The following MUC12 variants were observed in gnomAD, a reference collection of about 807,000 sequenced individuals.
MUC12 encodes mucin 12, cell surface associated.
In MUC12, 172 loss-of-function variants were observed where a neutral mutation model predicts 230.8. The ratio of observed to expected loss-of-function variants is 0.75; its 90% CI spans 0.66 to 0.85. MUC12 has a LOEUF of 0.85. Among genes scored for constraint, MUC12 ranks in the 40% least tolerant of loss-of-function variants. The pLI is 0.00. For missense variants in MUC12, 3,506 were observed against 5,920.6 expected (o/e 0.59, Z 13.38); for synonymous variants, 1,259 against 2,401.9 (o/e 0.52, Z 13.91).
At chr7:101,014,256 G>C (rs1182246721) in intron 9 of MUC12, 182 bp downstream of exon 9, 1 of 558,830 alleles carries the variant, frequency 1.8e-6, no homozygotes, top group Admixed American at 3.7e-5. Context: ...CTTCCTGTAG[G>C]ATACATCAAT....
chr7:100,973,567 A>G (rs1409470240), intron 1 of MUC12, among the ~76,000 whole-genome samples: 2 of 151,946 alleles, frequency 1.3e-5, no homozygotes, highest in Non-Finnish European at 2.9e-5. Context: ...ATTTTAAGAG[A>G]TGGGGGTCTT....
rs1348104472 is a variant in MUC12, at chr7:101,005,180, A to T, written c.14617A>T (p.Ile4873Phe). Reference protein sequence around the residue: ...TAFSHSNTMSIHSQQSTPFPD... With the variant: ...TAFSHSNTMSFHSQQSTPFPD... ...GTTTTCTCACAGCAACACAATGTCCATTCATAGTCAACAATCTACACCCTT... is the reference window on the plus strand; with the variant it reads ...GTTTTCTCACAGCAACACAATGTCCTTTCATAGTCAACAATCTACACCCTT... Residue 4873 changes from isoleucine (I) to phenylalanine (F), a missense_variant, in exon 2 of 12, where the codon ATT becomes TTT. Coordinates refer to ENST00000536621, the MANE Select transcript of MUC12 (RefSeq NM_001164462.2). The T allele has an allele frequency of 6.5e-7, 1 of 1,537,464 alleles. No homozygotes were observed. Among genetic ancestry groups the T allele is most frequent in the Non-Finnish European group, 8.7e-7 (1 of 1,146,992 alleles).
chr7:100,994,037 C>T lies in MUC12; in HGVS notation c.3474C>T (p.Thr1158=), dbSNP rs1368582316. Residue 1158 remains threonine, a synonymous_variant, in exon 2 of 12, where the codon ACC becomes ACT. Transcript: ENST00000536621. ...CGCCAGGCCTCAGTGAGGAATCTAC[C>T]ACCGTCTACAGCAGCAGCCGAGGCT... is the stretch of plus-strand genomic sequence containing the variant. ...TTTPGLSEES[T]TVYSSSRGST... The T allele has an allele frequency of 2.8e-6, 3 of 1,054,164 alleles. No homozygotes were observed. The highest frequency in any genetic ancestry group is 4.8e-5 in the Admixed American group (2 of 41,390). The allele number at this position is 1,054,164 out of a possible 1,614,324, so 65.3% of individuals were successfully genotyped here.
intron 11 of MUC12, 91 bp from the exon 12 acceptor site, chr7:101,018,504 C>T: frequency 8.3e-7 from 1 of 1,208,726 alleles, no homozygotes; most frequent in East Asian, 3.3e-5. Context: ...CCTGGGGTTC[C>T]CTCCTCCCCG....
rs1793273992 is a variant in MUC12 at position 100,990,838 on chromosome 7, G to C, written c.275G>C (p.Gly92Ala). 13 of 1,537,404 alleles carry C rather than the reference G, an allele frequency of 8.5e-6. No homozygotes were observed. Among genetic ancestry groups the C allele is most frequent in the Non-Finnish European group, 1.1e-5 (13 of 1,146,976 alleles). Residue 92 changes from glycine (G) to alanine (A), a missense_variant, in exon 2 of 12, where the codon GGA (glycine) becomes GCA (alanine). Coordinates refer to ENST00000536621, the MANE Select transcript of MUC12 (RefSeq NM_001164462.2). The stretch of plus-strand genomic sequence containing the variant: ...TCCCACAGCGGCCCAGGTGCAACTG[G>C]AACAACACTCTTCCCTTCCCACTCT... ...TVSHSGPGAT[G>A]TTLFPSHSAT... is the part of the protein sequence containing the mutation.
chr7:101,012,403 T>G lies in MUC12; in HGVS notation c.15359T>G (p.Met5120Arg). The change falls in exon 6 of 12, where the codon ATG becomes AGG. Residue 5120 changes from methionine (M) to arginine (R), a missense_variant. Met to Arg is a moderately conservative substitution (Grantham distance 91). Transcript: ENST00000536621. ...NLAEIVKAKI[M>R]NETRTTLLDP... ...GCAGAGATTGTAAAGGCCAAGATTA[T>G]GAATGAAACTAGAACAACTCTTCTT... is the stretch of plus-strand genomic sequence containing the variant. The G allele has an allele frequency of 6.5e-7, 1 of 1,537,874 alleles. No homozygotes were observed.
Position 101,004,423 on chromosome 7 carries a change from C to G in MUC12, c.13860C>G (p.Ser4620Arg). ...GSTQTMHFPE[S>R]STASGRSEES... Reference sequence around the variant, plus strand: ...CTCAAACAATGCACTTCCCTGAAAGCTCCACAGCTTCAGGTCGTAGTGAAG... The same window carrying G: ...CTCAAACAATGCACTTCCCTGAAAGGTCCACAGCTTCAGGTCGTAGTGAAG... The change falls in exon 2 of 12, where the codon AGC becomes AGG. Residue 4620 changes from serine (S) to arginine (R), a missense_variant. Transcript: ENST00000536621. 6.6e-7 allele frequency: 1 copy of G among 1,515,228 alleles called. No individual in the cohort carries two copies. Among genetic ancestry groups the G allele is most frequent in the Non-Finnish European group, 8.8e-7 (1 of 1,139,626 alleles). The allele number at this position is 1,515,228 out of a possible 1,614,324, so 93.9% of individuals were successfully genotyped here.
At chr7:101,006,310 C>T (rs908691095) in intron 2 of MUC12, among the ~76,000 whole-genome samples, 161 bp from the exon 3 acceptor site, 17 of 151,978 alleles carry the variant, frequency 1.1e-4, no homozygotes, top group African/African-American at 3.1e-4. Context: ...TACTATCTCC[C>T]GGGGGCAGAG....
In MUC12 at chr7:100,992,951, G is replaced by A. The variant is rs200830580; in HGVS notation, c.2388G>A (p.Thr796=). Residue 796 remains threonine, a synonymous_variant, in exon 2 of 12, where the codon ACG becomes ACA. Transcript: ENST00000536621. ...CCTCAGTTCTTCTTGGAGAATCTACGACCTCACCCATCAGTTCAGGCTCAA... is the reference window on the plus strand; with the variant it reads ...CCTCAGTTCTTCTTGGAGAATCTACAACCTCACCCATCAGTTCAGGCTCAA... ...STTSVLLGES[T]TSPISSGSME... 3.3e-4 allele frequency: 513 copies of A among 1,536,994 alleles called. No homozygotes were observed. Among genetic ancestry groups the A allele is most frequent in the Non-Finnish European group, 4.3e-4 (489 of 1,146,806 alleles).
chr7:101,003,903 C>T lies in MUC12; in HGVS notation c.13340C>T (p.Thr4447Ile). Reference sequence around the variant, plus strand: ...ACTTCCCACAGCAGCACAACACACACAATATCTTCAGCTCCTAGCACCACA... The same window carrying T: ...ACTTCCCACAGCAGCACAACACACATAATATCTTCAGCTCCTAGCACCACA... ...STTSHSSTTHTISSAPSTTSA... is the reference protein window; with the variant it reads ...STTSHSSTTHIISSAPSTTSA... Residue 4447 changes from threonine (T) to isoleucine (I), a missense_variant, in exon 2 of 12, where the codon ACA (threonine) becomes ATA (isoleucine). By Grantham distance (89) the Thr-to-Ile change is moderately conservative. Transcript: ENST00000536621. The T allele has an allele frequency of 3.4e-6, 5 of 1,461,892 alleles. No homozygotes were observed. Among genetic ancestry groups the T allele is most frequent in the Non-Finnish European group, 4.5e-6 (5 of 1,105,670 alleles). 90.6% of individuals were successfully genotyped at this position (1,461,892 alleles called of 1,614,324 possible).
In MUC12 at chr7:100,995,893, G is replaced by T; in HGVS notation, c.5330G>T (p.Gly1777Val). 1 of 1,407,902 alleles carries T rather than the reference G, an allele frequency of 7.1e-7. No homozygotes were observed. The highest frequency in any genetic ancestry group is 9.5e-7 in the Non-Finnish European group (1 of 1,050,562). 87.2% of individuals were successfully genotyped at this position (1,407,902 alleles called of 1,614,324 possible). The change falls in exon 2 of 12, where the codon GGC (glycine) becomes GTC (valine). Residue 1777 changes from glycine to valine, a missense_variant. Physicochemically the swap from Gly to Val is moderately radical, Grantham distance 109. Transcript: ENST00000536621. ...TCTACGGCGTACCACAGCAGCCCGG[G>T]CTCAACTCAAACAATGCACTTCCCT... is the stretch of plus-strand genomic sequence containing the variant. ...EESTAYHSSP[G>V]STQTMHFPES...
In MUC12 at chr7:101,005,393, T is replaced by G. The variant is rs891293536; in HGVS notation, c.14830T>G (p.Tyr4944Asp). The G allele has an allele frequency of 3.9e-6, 6 of 1,537,470 alleles. No individual in the cohort carries two copies. Among genetic ancestry groups the G allele is most frequent in the Non-Finnish European group, 5.2e-6 (6 of 1,146,994 alleles). Reference protein sequence around the residue: ...TTFYISPSPTYTTLFPASSST... With the variant: ...TTFYISPSPTDTTLFPASSST... ...TTTCTACATCAGCCCATCCCCTACT[T>G]ACACAACACTCTTTCCTGCGAGTTC... Residue 4944 changes from tyrosine to aspartate, a missense_variant, in exon 2 of 12, where the codon TAC (tyrosine) becomes GAC (aspartate). Coordinates refer to ENST00000536621, the MANE Select transcript of MUC12 (RefSeq NM_001164462.2).
At chr7:101,005,881 T>C (rs557512595) in intron 2 of MUC12, among the ~76,000 whole-genome samples, 28 of 152,180 alleles carry the variant, frequency 1.8e-4, no homozygotes, top group Non-Finnish European at 2.2e-4. Context: ...CACTGCAACC[T>C]CTGCCTCCTG....
At chr7:100,971,825 T>C (rs1475595880) in intron 1 of MUC12, among the ~76,000 whole-genome samples, 4 of 152,302 alleles carry the variant, frequency 2.6e-5, no homozygotes, top group Non-Finnish European at 4.4e-5. Flanking sequence ...GTGATGGAGG[T>C]GATGACAGCG....
At chr7:100,982,745 T>G (rs1475337347) in intron 1 of MUC12, among the ~76,000 whole-genome samples, 1 of 151,266 alleles carries the variant, frequency 6.6e-6, no homozygotes, top group Non-Finnish European at 1.5e-5. Flanking sequence ...TTTTGTTTTC[T>G]TTGAGATAGG....
At chr7:100,975,219 T>C (rs568925948) in intron 1 of MUC12, among the ~76,000 whole-genome samples, 2 of 152,304 alleles carry the variant, frequency 1.3e-5, no homozygotes, top group African/African-American at 2.4e-5. Context: ...TCCTGTTTTA[T>C]GTACATGAAG....
Position 100,993,511 on chromosome 7 carries a change from C to A in MUC12, c.2948C>A (p.Thr983Lys), listed in dbSNP as rs760873447. Residue 983 changes from threonine to lysine, a missense_variant, in exon 2 of 12, where the codon ACA becomes AAA. Physicochemically the swap from Thr to Lys is moderately conservative, Grantham distance 78. Coordinates refer to ENST00000536621, the MANE Select transcript of MUC12 (RefSeq NM_001164462.2). ...ACAACACTGTCCCCTGCCAGCTCCA[C>A]AAGCCCTGGACTTCAGGGAGAATCT... ...PRTTLSPASS[T>K]SPGLQGESTA... 4.9e-6 allele frequency: 5 copies of A among 1,016,806 alleles called. 2 individuals carry two copies. In the South Asian group the frequency reaches 4.9e-5, roughly 10 times the overall value. 63.0% of individuals were successfully genotyped at this position (1,016,806 alleles called of 1,614,324 possible).
Position 100,995,308 on chromosome 7 carries a change from G to C in MUC12, c.4745G>C (p.Arg1582Pro). The C allele has an allele frequency of 6.5e-7, 1 of 1,527,016 alleles. No individual in the cohort carries two copies. Among genetic ancestry groups the C allele is most frequent in the Non-Finnish European group, 8.7e-7 (1 of 1,144,114 alleles). 94.6% of individuals were successfully genotyped at this position (1,527,016 alleles called of 1,614,324 possible). A position where few individuals can be genotyped will look rare whatever the true frequency, so the allele number is the denominator to read the frequency against. ...GAAGAATCCACCACCTCCCACAGCC[G>C]ACCAGGCTCAACGCACACAACAGCA... ...VSEESTTSHS[R>P]PGSTHTTAFP... is the part of the protein sequence containing the mutation. Residue 1582 changes from arginine (R) to proline (P), a missense_variant, in exon 2 of 12, where the codon CGA (arginine) becomes CCA (proline). Transcript: ENST00000536621.
rs1295212412 is a variant in MUC12, at chr7:100,991,552, C to G, written c.989C>G (p.Ser330Trp). The change falls in exon 2 of 12, where the codon TCG becomes TGG. Residue 330 changes from serine to tryptophan, a missense_variant. Coordinates refer to ENST00000536621, the MANE Select transcript of MUC12 (RefSeq NM_001164462.2). ...SSTTLGHSEE[S>W]TPVHSSPVAT... ...ACAACCTTGGGCCATAGTGAGGAATCGACACCAGTCCACAGCAGCCCAGTT... is the reference window on the plus strand; with the variant it reads ...ACAACCTTGGGCCATAGTGAGGAATGGACACCAGTCCACAGCAGCCCAGTT... 34 of 1,537,214 alleles carry G rather than the reference C, an allele frequency of 2.2e-5. No individual in the cohort carries two copies. Among genetic ancestry groups the G allele is most frequent in the Middle Eastern group, 1.7e-4 (1 of 6,016 alleles).
Sources: allele counts gnomAD v4.1 joint callset (sites outside exome capture counted in the v4.1 genomes callset), GRCh38; gene constraint gnomAD v4.1.1; transcripts MANE v1.5; gene names NCBI Gene and HGNC (gene_info 2026-07-23, HGNC 2026-07-21).